LNPEP: variants seen among roughly 807,000 people sequenced by gnomAD.
LNPEP encodes the protein leucyl and cystinyl aminopeptidase, also known as leucyl-cystinyl aminopeptidase.
In LNPEP, 64 loss-of-function variants were observed where a neutral mutation model predicts 120.6. That is an observed-to-expected ratio of 0.53 (90% CI 0.43 to 0.65). The LOEUF (loss-of-function observed/expected upper bound fraction) is 0.65. LNPEP is among the 30% of genes least tolerant of loss of function. The pLI is 0.00. For synonymous variants in LNPEP, 435 were observed against 425.4 expected, an observed-to-expected ratio of 1.02 and a Z score of -0.28; for missense variants, 1,057 against 1,200.0, an observed-to-expected ratio of 0.88 and a Z score of 1.76.
chr5:96,958,616 G>C (rs1789526031), intron 1 of LNPEP: 3 of 432,360 alleles, frequency 6.9e-6, no homozygotes, highest in Non-Finnish European at 9.2e-6. Context: ...TCAGAAGCCT[G>C]ATACGGATCT....
intron 8 of LNPEP, among the ~76,000 whole-genome samples, 173 bp downstream of exon 8, chr5:96,998,318 GT>G (rs1005889642): frequency 1.3e-5 from 2 of 151,994 alleles, no homozygotes; most frequent in African/African-American, 2.4e-5. Flanking sequence ...TTTTTTGTGG[GT>G]TTTTTTCTTT....
At chr5:96,958,909 A>G (rs1789534023) in intron 1 of LNPEP, 1 of 148,230 alleles carries the variant, frequency 6.7e-6, no homozygotes, top group African/African-American at 2.5e-5. Flanking sequence ...GCTCACTGCA[A>G]TATCTGCCTC....
chr5:96,967,821 T>C (rs1345602558), intron 1 of LNPEP, among the ~76,000 whole-genome samples: 1 of 152,182 alleles, frequency 6.6e-6, no homozygotes, highest in Non-Finnish European at 1.5e-5. Context: ...TCAACATTTA[T>C]GGCAGGTTTC....
rs148334032 is a variant in LNPEP, at chr5:97,028,964, T to A, written c.*431T>A. The A allele has an allele frequency of 3.6e-3, 611 of 168,958 alleles. 10 individuals are homozygous for A. The highest frequency in any genetic ancestry group is 0.028 in the Admixed American group (457 of 16,556). 10.5% of individuals were successfully genotyped at this position (168,958 alleles called of 1,614,324 possible). A position where few individuals can be genotyped will look rare whatever the true frequency, so the allele number is the denominator to read the frequency against. On this transcript the variant is annotated 3_prime_UTR_variant, in exon 18 of 18. Transcript: ENST00000231368. Reference sequence around the variant, plus strand: ...TGTTGCTTCTTATTGATAGATGGCATTGGAATGTGGTACAAAGTTAGCTCT... The same window carrying A: ...TGTTGCTTCTTATTGATAGATGGCAATGGAATGTGGTACAAAGTTAGCTCT...
intron 3 of LNPEP, among the ~76,000 whole-genome samples, chr5:96,986,079 T>A (rs987745317): frequency 6.6e-6 from 1 of 152,178 alleles, no homozygotes; most frequent in African/African-American, 2.4e-5. Context: ...CTACTGACTT[T>A]GTTCCCACTA....
Position 97,025,817 on chromosome 5 carries a change from T to TA in LNPEP, c.2724-791dup, listed in dbSNP as rs35345032. Among the ~76,000 whole-genome samples, 1,406 of 151,898 alleles carry TA rather than the reference T, an allele frequency of 9.3e-3. 24 individuals are homozygous for TA. Among genetic ancestry groups the TA allele is most frequent in the African/African-American group, 0.032 (1,317 of 41,406 alleles). The stretch of plus-strand genomic sequence containing the variant: ...CACTTCATGAAGCCTGCTTTATATA[T>TA]AAAAAAAAACTAAAGTGTTTTATGG... On this transcript the variant is annotated intron_variant, in intron 15 of 17. Transcript: ENST00000231368.
At chr5:97,013,562 TAAAC>T (rs1561452252) in intron 11 of LNPEP, 82 bp from the exon 12 acceptor site, 1 of 663,574 alleles carries the variant, frequency 1.5e-6, no homozygotes, top group Non-Finnish European at 2.3e-6. Context: ...AATATAAAAA[TAAAC>T]TAAAAAACAA....
At chr5:96,959,294 A>C (rs1789541916) in intron 1 of LNPEP, among the ~76,000 whole-genome samples, 1 of 152,212 alleles carries the variant, frequency 6.6e-6, no homozygotes, top group Non-Finnish European at 1.5e-5. Flanking sequence ...GAAGTAGACA[A>C]GTGGCTGCTG....
intron 1 of LNPEP, among the ~76,000 whole-genome samples, chr5:96,950,954 G>T (rs529553981): frequency 1.3e-5 from 2 of 152,218 alleles, no homozygotes; most frequent in African/African-American, 4.8e-5. Flanking sequence ...GGGTGGCTTC[G>T]ACAACAGATA....
At chr5:96,957,357 G>A (rs777497374) in intron 1 of LNPEP, among the ~76,000 whole-genome samples, 3 of 152,158 alleles carry the variant, frequency 2.0e-5, no homozygotes, top group East Asian at 1.9e-4. Context: ...TTGTATGGTA[G>A]GCAGAATAAT....
intron 1 of LNPEP, among the ~76,000 whole-genome samples, chr5:96,971,286 T>C (rs1003291877): frequency 5.3e-5 from 8 of 151,812 alleles, no homozygotes; most frequent in African/African-American, 1.5e-4. Flanking sequence ...TCTTAAAGGT[T>C]TTCTTTTTAT....
rs190102504 is a variant in LNPEP at position 96,960,217 on chromosome 5, C to G, written c.20-18921C>G. ...CCTCCCAAAGTGCTGAGATTACAGG[C>G]GTGAGCCACCGTGCCTGGCCAAAAT... On this transcript the variant is annotated intron_variant, in intron 1 of 17. Transcript: ENST00000231368. Among the ~76,000 whole-genome samples the G allele has an allele frequency of 2.9e-3, 437 of 152,138 alleles. 7 individuals carry two copies. Among genetic ancestry groups the G allele is most frequent in the East Asian group, 5.4e-3 (28 of 5,180 alleles).
In LNPEP at chr5:96,971,788, T is replaced by G. The variant is rs545525941; in HGVS notation, c.20-7350T>G. ...AGTCTTGATTTCCCCACGGAGAGTCTCATCTATTCACATATTCTCATTTTT... is the reference window on the plus strand; with the variant it reads ...AGTCTTGATTTCCCCACGGAGAGTCGCATCTATTCACATATTCTCATTTTT... On this transcript the variant is annotated intron_variant, in intron 1 of 17. Transcript: ENST00000231368. Among the ~76,000 whole-genome samples, 5 of 152,172 alleles carry G rather than the reference T, an allele frequency of 3.3e-5. No homozygotes were observed. In the South Asian group the frequency reaches 1.0e-3, roughly 32 times the overall value.
At position 97,015,046 on chromosome 5, in the gene LNPEP, A is replaced by T; in HGVS notation, c.2327A>T (p.Tyr776Phe). ...TEALFQTDLIYNLLEKLGYMD... is the reference protein window; with the variant it reads ...TEALFQTDLIFNLLEKLGYMD... Reference sequence around the variant, plus strand: ...GCCCTGTTTCAGACAGACCTCATCTATAACCTCCTTGAAAAACTGGGATAC... The same window carrying T: ...GCCCTGTTTCAGACAGACCTCATCTTTAACCTCCTTGAAAAACTGGGATAC... The change falls in exon 13 of 18, where the codon TAT becomes TTT. Residue 776 changes from tyrosine to phenylalanine, a missense_variant. Physicochemically the swap from Tyr to Phe is conservative, Grantham distance 22 (BLOSUM62 3). Transcript: ENST00000231368. 6.3e-7 allele frequency: 1 copy of T among 1,597,188 alleles called. No individual in the cohort carries two copies. Among genetic ancestry groups the T allele is most frequent in the African/African-American group, 1.3e-5 (1 of 74,554 alleles).
Position 97,030,054 on chromosome 5 carries a change from C to T in LNPEP, c.*1521C>T, listed in dbSNP as rs1582040884. On this transcript the variant is annotated 3_prime_UTR_variant, in exon 18 of 18. Coordinates refer to ENST00000231368, the MANE Select transcript of LNPEP (RefSeq NM_005575.3). ...AGAGTCAGACAGTGGGAAAGGTCAC[C>T]CTTTTTTTATTCGGCAGGTATCAAG... The T allele has an allele frequency of 6.6e-6, 1 of 151,982 alleles. No homozygotes were observed. The highest frequency in any genetic ancestry group is 3.4e-3 in the Middle Eastern group (1 of 294). The allele number at this position is 151,982 out of a possible 1,614,324, so 9.4% of individuals were successfully genotyped here.
intron 13 of LNPEP, among the ~76,000 whole-genome samples, chr5:97,022,065 G>T (rs1791214764): frequency 6.6e-6 from 1 of 151,104 alleles, no homozygotes; most frequent in Non-Finnish European, 1.5e-5. Context: ...CTGAGTAGCT[G>T]GGATTACAGG....
chr5:97,010,564 A>G lies in LNPEP; in HGVS notation c.2036-3084A>G, dbSNP rs572721390. 2.7e-3 allele frequency: 2,635 copies of G among 985,120 alleles called. 5 individuals carry two copies. The highest frequency in any genetic ancestry group is 2.9e-3 in the Non-Finnish European group (2,447 of 829,614). 61.0% of individuals were successfully genotyped at this position (985,120 alleles called of 1,614,324 possible). On this transcript the variant is annotated intron_variant, in intron 11 of 17. Transcript: ENST00000231368. The stretch of plus-strand genomic sequence containing the variant: ...TGTACAGGAAATTTTGTAACTTTGT[A>G]GTAAAAACGGGTTTTTTAGTTTCAG...
Position 97,032,616 on chromosome 5 carries a change from T to G in LNPEP, c.*4083T>G, listed in dbSNP as rs1251256175. 6.6e-6 allele frequency: 1 copy of G among 152,240 alleles called. No homozygotes were observed. Among genetic ancestry groups the G allele is most frequent in the Non-Finnish European group, 1.5e-5 (1 of 68,036 alleles). The allele number at this position is 152,240 out of a possible 1,614,324, so 9.4% of individuals were successfully genotyped here. On this transcript the variant is annotated 3_prime_UTR_variant, in exon 18 of 18. Coordinates refer to ENST00000231368, the MANE Select transcript of LNPEP (RefSeq NM_005575.3). Reference sequence around the variant, plus strand: ...ACCTGTATGGGCAGTAGCTACAGACTAGTTATTTGGTTTCCTTCTTTGGAA... The same window carrying G: ...ACCTGTATGGGCAGTAGCTACAGACGAGTTATTTGGTTTCCTTCTTTGGAA...
chr5:96,980,918 A>G (rs963713768), intron 2 of LNPEP, among the ~76,000 whole-genome samples: 5 of 152,208 alleles, frequency 3.3e-5, no homozygotes, highest in African/African-American at 1.2e-4. Context: ...CTATTCAGAT[A>G]AATAATTTTT....
Sources: gnomAD v4.1 joint callset for allele counts (sites outside exome capture counted in the v4.1 genomes callset) on GRCh38, gnomAD v4.1.1 for gene constraint, MANE v1.5 for transcripts, NCBI Gene and HGNC (gene_info 2026-07-23, HGNC 2026-07-21) for gene names.